Variants in REPS2 observed in about 807,000 individuals in gnomAD.
The protein encoded by REPS2 is ralBP1-associated Eps domain-containing protein 2.
Under a neutral mutation model 53.6 loss-of-function variants are expected in REPS2, and 23 were observed. The observed-to-expected ratio is 0.43, with a 90% CI of 0.31 to 0.61. REPS2 has a LOEUF of 0.61. Ranked by LOEUF, REPS2 falls within the 20% of genes least tolerant of loss-of-function variation. REPS2 has a pLI of 0.11. For missense variants in REPS2, 446 were observed against 534.9 expected, an observed-to-expected ratio of 0.83 and a Z score of 1.64; for synonymous variants, 238 against 218.6, an observed-to-expected ratio of 1.09 and a Z score of -0.78.
the REPS2 span, among the ~76,000 whole-genome samples, chrX:17,191,242 A>C: frequency 1.8e-5 from 2 of 111,915 alleles, no homozygotes; most frequent in Non-Finnish European, 3.8e-5. Context: ...TATACAAAGA[A>C]CTCTCCAAAT....
At chrX:17,060,406 TACCTA>T (rs754780690) in intron 8 of REPS2, among the ~76,000 whole-genome samples, 1 of 112,029 alleles carries the variant, frequency 8.9e-6, no homozygotes, top group East Asian at 2.8e-4. Flanking sequence ...TGTTAAAAAA[TACCTA>T]TGGAGTACTT....
At chrX:17,169,853 T>C in the REPS2 span, among the ~76,000 whole-genome samples, 1 of 111,699 alleles carries the variant, frequency 9.0e-6, no homozygotes, top group East Asian at 2.8e-4. Context: ...GGGATGCAAG[T>C]GGCAGGGGTG....
chrX:17,189,402 C>T, the REPS2 span, among the ~76,000 whole-genome samples: 2 of 109,627 alleles, frequency 1.8e-5, no homozygotes, highest in Admixed American at 1.9e-4. Flanking sequence ...TCTCTTGCCT[C>T]AGCCTCCTGA....
intron 1 of REPS2, among the ~76,000 whole-genome samples, chrX:16,969,226 C>A (rs1430453113): frequency 9.1e-6 from 1 of 110,300 alleles, no homozygotes; most frequent in African/African-American, 3.3e-5. Flanking sequence ...GGCAGAGACG[C>A]TCCTCACTTT....
At chrX:16,961,045 A>G (rs2060654909) in intron 1 of REPS2, among the ~76,000 whole-genome samples, 1 of 112,100 alleles carries the variant, frequency 8.9e-6, no homozygotes, top group Non-Finnish European at 1.9e-5. Flanking sequence ...ATACAGGTTC[A>G]ATGCAATCCC....
At chrX:17,131,676 T>C (rs1225039876) in intron 14 of REPS2, among the ~76,000 whole-genome samples, 2 of 111,469 alleles carry the variant, frequency 1.8e-5, no homozygotes, top group East Asian at 5.6e-4. Flanking sequence ...GGCAGAAGAC[T>C]GGGGGAAATG....
chrX:17,026,631 C>G (rs1400727859), intron 4 of REPS2, among the ~76,000 whole-genome samples: 2 of 110,827 alleles, frequency 1.8e-5, no homozygotes, highest in Non-Finnish European at 3.8e-5. Context: ...TCATTCCATA[C>G]AAATTGGGCT....
chrX:17,174,807 T>C, the REPS2 span, among the ~76,000 whole-genome samples: 27 of 112,607 alleles, frequency 2.4e-4, no homozygotes, highest in African/African-American at 4.8e-4. Context: ...CCGCCGCCGC[T>C]GCTGCTGCTG....
chrX:16,951,561 C>CACACA (rs1569083961), intron 1 of REPS2, among the ~76,000 whole-genome samples: 1 of 25,774 alleles, frequency 3.9e-5, no homozygotes, highest in African/African-American at 1.1e-4. Flanking sequence ...ACACACACAC[C>CACACA]CCCGCTACCT....
At chrX:17,131,167 T>C (rs1227181601) in intron 14 of REPS2, among the ~76,000 whole-genome samples, 1 of 110,792 alleles carries the variant, frequency 9.0e-6, no homozygotes, top group Non-Finnish European at 1.9e-5. Flanking sequence ...GAAAAATGGG[T>C]GGAGCAACTA....
intron 5 of REPS2, among the ~76,000 whole-genome samples, chrX:17,034,661 C>T (rs1025919510): frequency 8.9e-6 from 1 of 112,177 alleles, no homozygotes; most frequent in Non-Finnish European, 1.9e-5. Context: ...TTATTTAAAA[C>T]CAAAACACAT....
In REPS2 at chrX:17,133,956, C is replaced by A. The variant is rs372062606; in HGVS notation, c.1662+49C>A. 4.5e-5 allele frequency: 42 copies of A among 941,573 alleles called. No individual in the cohort carries two copies. In the East Asian group the frequency reaches 4.6e-4, roughly 10 times the overall value. The allele number at this position is 941,573 out of a possible 1,213,427, so 77.6% of individuals were successfully genotyped here. On this transcript the variant is annotated intron_variant, in intron 15 of 17. Coordinates refer to ENST00000357277, the MANE Select transcript of REPS2 (RefSeq NM_004726.3). ...TCAGATGGCGTTGCGAGTCCCACCC[C>A]GGGCTTCTTATCTCTATTAGCTGAT...
intron 17 of REPS2, among the ~76,000 whole-genome samples, chrX:17,146,022 T>C (rs2063508814): frequency 9.5e-6 from 1 of 105,482 alleles, no homozygotes; most frequent in African/African-American, 3.5e-5. Flanking sequence ...GGCAGGAGAA[T>C]GGCGTGAACC....
At chrX:17,162,667 A>C in the REPS2 span, among the ~76,000 whole-genome samples, 3 of 112,924 alleles carry the variant, frequency 2.7e-5, no homozygotes, top group Non-Finnish European at 3.8e-5. Flanking sequence ...AAGAACAGTC[A>C]TACTGGCTGA....
At chrX:17,018,993 G>T (rs749794391) in intron 2 of REPS2, among the ~76,000 whole-genome samples, 4 of 110,084 alleles carry the variant, frequency 3.6e-5, no homozygotes, top group Non-Finnish European at 7.6e-5. Context: ...TTTTTTAAGA[G>T]AAGGGGTCTT....
At chrX:17,134,202 C>T (rs1458170376) in intron 15 of REPS2, among the ~76,000 whole-genome samples, 1 of 111,279 alleles carries the variant, frequency 9.0e-6, no homozygotes, top group Non-Finnish European at 1.9e-5. Flanking sequence ...GGACAGATGT[C>T]TTTAGCAAAA....
the REPS2 span, among the ~76,000 whole-genome samples, chrX:17,174,689 A>G: frequency 1.1e-4 from 12 of 112,672 alleles, no homozygotes; most frequent in African/African-American, 3.9e-4. Context: ...GGAAGCCATC[A>G]ATTACCTGCT....
At chrX:17,051,636 T>G (rs1679184838) in intron 6 of REPS2, among the ~76,000 whole-genome samples, 2 of 112,488 alleles carry the variant, frequency 1.8e-5, no homozygotes, top group Admixed American at 1.9e-4. Flanking sequence ...TTAAGAATAA[T>G]GCTGATTTGA....
the REPS2 span, among the ~76,000 whole-genome samples, chrX:17,172,251 C>A: frequency 1.8e-5 from 2 of 111,626 alleles, no homozygotes; most frequent in Non-Finnish European, 3.8e-5. Context: ...GGGTCTGTGT[C>A]CCTGCCCAAA....
Sources: allele counts gnomAD v4.1 joint callset (sites outside exome capture counted in the v4.1 genomes callset), GRCh38; gene constraint gnomAD v4.1.1; transcripts MANE v1.5; gene names NCBI Gene and HGNC (gene_info 2026-07-23, HGNC 2026-07-21).